The following KDM4C variants were observed in gnomAD, a reference collection of about 807,000 sequenced individuals.
The protein encoded by KDM4C is lysine-specific demethylase 4C.
KDM4C carries 81 observed loss-of-function variants against 129.3 expected under a neutral mutation model. The ratio of observed to expected loss-of-function variants is 0.63; its 90% CI spans 0.52 to 0.75. The LOEUF (loss-of-function observed/expected upper bound fraction) is 0.75. KDM4C is among the 30% of genes least tolerant of loss of function. KDM4C has a pLI of 0.00. For missense variants in KDM4C, 1,457 were observed against 1,304.0 expected (o/e 1.12, Z -1.81); for synonymous variants, 573 against 456.1 (o/e 1.26, Z -3.26).
At chr9:6,892,388 C>T (rs577849834) in intron 7 of KDM4C, among the ~76,000 whole-genome samples, 157 of 151,926 alleles carry the variant, frequency 1.0e-3, no homozygotes, top group African/African-American at 3.6e-3. Context: ...TTTTGTGTTG[C>T]TTTGGTGATT....
intron 17 of KDM4C, among the ~76,000 whole-genome samples, chr9:7,087,376 T>C (rs1055578520): frequency 1.3e-5 from 2 of 152,166 alleles, no homozygotes; most frequent in African/African-American, 4.8e-5. Context: ...TTTAAAGGCT[T>C]CATCTATCTG....
chr9:6,951,780 A>G (rs1030637570), intron 8 of KDM4C, among the ~76,000 whole-genome samples: 88 of 152,342 alleles, frequency 5.8e-4, no homozygotes, highest in African/African-American at 2.1e-3. Context: ...TTATAATTAA[A>G]AGAGAAAAAT....
At chr9:7,026,161 C>G (rs1390624885) in intron 15 of KDM4C, among the ~76,000 whole-genome samples, 4 of 151,142 alleles carry the variant, frequency 2.6e-5, no homozygotes, top group Non-Finnish European at 2.9e-5. Flanking sequence ...GCCGAGATCG[C>G]ACCGCTGTAC....
intron 6 of KDM4C, among the ~76,000 whole-genome samples, chr9:6,886,602 C>T (rs1845309133): frequency 1.3e-5 from 2 of 151,708 alleles, no homozygotes; most frequent in Non-Finnish European, 2.9e-5. Context: ...AGCAATTCTC[C>T]TGCCTCAGTG....
At chr9:6,985,903 C>G (rs1274177986) in intron 10 of KDM4C, among the ~76,000 whole-genome samples, 1 of 152,194 alleles carries the variant, frequency 6.6e-6, no homozygotes, top group Non-Finnish European at 1.5e-5. Flanking sequence ...GTTGGCCAGG[C>G]TGATCTTGAA....
intron 1 of KDM4C, among the ~76,000 whole-genome samples, chr9:6,742,601 G>T (rs1588053880): frequency 2.2e-5 from 3 of 133,460 alleles, no homozygotes; most frequent in African/African-American, 2.9e-5. Context: ...CTTTCCTTCT[G>T]GAACTCTGAT....
intron 12 of KDM4C, among the ~76,000 whole-genome samples, chr9:7,004,358 A>T (rs1442080119): frequency 6.6e-6 from 1 of 152,232 alleles, no homozygotes; most frequent in East Asian, 1.9e-4. Flanking sequence ...AAAAACTTTT[A>T]AGATGACATA....
intron 15 of KDM4C, among the ~76,000 whole-genome samples, chr9:7,041,418 G>T (rs563373618): frequency 6.6e-6 from 1 of 152,016 alleles, no homozygotes; most frequent in East Asian, 1.9e-4. Context: ...GATACTGAGG[G>T]TCGACTGTAC....
chr9:6,957,310 G>A (rs746005144), intron 8 of KDM4C, among the ~76,000 whole-genome samples: 1 of 151,986 alleles, frequency 6.6e-6, no homozygotes, highest in Non-Finnish European at 1.5e-5. Context: ...TAAATATTGT[G>A]CACTAACCCT....
At chr9:7,034,742 A>C (rs1429497967) in intron 15 of KDM4C, among the ~76,000 whole-genome samples, 1 of 152,138 alleles carries the variant, frequency 6.6e-6, no homozygotes, top group Non-Finnish European at 1.5e-5. Context: ...AGTTTTTTGA[A>C]GAAACTTCAT....
intron 12 of KDM4C, among the ~76,000 whole-genome samples, chr9:7,000,388 G>A (rs1209573926): frequency 6.6e-6 from 1 of 152,140 alleles, no homozygotes. Context: ...ACAATGATTA[G>A]CATGAAATCT....
intron 14 of KDM4C, 47 bp downstream of exon 14, chr9:7,014,048 C>G (rs1823195726): frequency 1.3e-6 from 2 of 1,495,754 alleles, no homozygotes; most frequent in Non-Finnish European, 1.8e-6. Flanking sequence ...CAGCATTTCA[C>G]ATCATCTTTA....
At chr9:6,765,443 C>T (rs1170265897) in intron 1 of KDM4C, among the ~76,000 whole-genome samples, 2 of 152,092 alleles carry the variant, frequency 1.3e-5, no homozygotes, top group Non-Finnish European at 2.9e-5. Context: ...TGTCTTAATT[C>T]CCTGTATTTT....
chr9:7,021,908 G>A (rs1824928113), intron 15 of KDM4C, among the ~76,000 whole-genome samples: 2 of 152,140 alleles, frequency 1.3e-5, no homozygotes, highest in African/African-American at 4.8e-5. Context: ...TTATTGAAGA[G>A]ACTGTCCTGT....
At position 7,174,830 on chromosome 9, in the gene KDM4C, A is replaced by T; in HGVS notation, c.*101A>T. On this transcript the variant is annotated 3_prime_UTR_variant, in exon 22 of 22. Coordinates refer to ENST00000381309, the MANE Select transcript of KDM4C (RefSeq NM_015061.6). ...GCCGTGAGTTTTGCTGGCATAGGTG[A>T]CAGGGTGTGTCTCTGACAGTGGTAA... 1 of 1,003,756 alleles carries T rather than the reference A, an allele frequency of 1.0e-6. No individual in the cohort carries two copies. The highest frequency in any genetic ancestry group is 1.5e-6 in the Non-Finnish European group (1 of 664,130). 62.2% of individuals were successfully genotyped at this position (1,003,756 alleles called of 1,614,324 possible).
At chr9:6,829,598 C>G (rs1009049728) in intron 4 of KDM4C, among the ~76,000 whole-genome samples, 1 of 152,150 alleles carries the variant, frequency 6.6e-6, no homozygotes, top group African/African-American at 2.4e-5. Flanking sequence ...TAGATGACTC[C>G]TACTTAGTGG....
At position 7,088,904 on chromosome 9, in the gene KDM4C, C is replaced by G. The variant is rs554773656; in HGVS notation, c.2425-14781C>G. On this transcript the variant is annotated intron_variant, in intron 17 of 21. Transcript: ENST00000381309. ...AGCTTGGAACTCCTTTGCAAGTGTG[C>G]TTTCACATTTTTGTAGGATCTGGTA... Among the ~76,000 whole-genome samples the G allele has an allele frequency of 1.1e-3, 162 of 151,970 alleles. 1 individual carries two copies. Among genetic ancestry groups the G allele is most frequent in the Non-Finnish European group, 2.1e-3 (145 of 67,992 alleles).
chr9:6,986,892 T>C (rs1022248854), intron 11 of KDM4C: 26 of 440,922 alleles, frequency 5.9e-5, no homozygotes, highest in Non-Finnish European at 2.8e-5. Flanking sequence ...GTGTCGATGC[T>C]TGATTTTCTT....
At chr9:7,090,370 A>T (rs550976440) in intron 17 of KDM4C, among the ~76,000 whole-genome samples, 1 of 152,340 alleles carries the variant, frequency 6.6e-6, no homozygotes, top group East Asian at 1.9e-4. Context: ...ACAGCTTGTT[A>T]TCAGCAGGGA....
Sources: gnomAD v4.1 joint callset for allele counts (sites outside exome capture counted in the v4.1 genomes callset) on GRCh38, gnomAD v4.1.1 for gene constraint, MANE v1.5 for transcripts, NCBI Gene and HGNC (gene_info 2026-07-23, HGNC 2026-07-21) for gene names.